RIC1: variants seen among roughly 807,000 people sequenced by gnomAD.
The protein encoded by RIC1 is RIC1 partner of RAB6A GEF complex.
RIC1 carries 88 observed loss-of-function variants against 169.0 expected under a neutral mutation model. The observed-to-expected ratio is 0.52, with a 90% CI of 0.44 to 0.62. The LOEUF (loss-of-function observed/expected upper bound fraction) is 0.62, where lower values mean the gene tolerates loss of function less well. RIC1 is among the 20% of genes least tolerant of loss of function. RIC1 has a pLI of 0.00. For missense variants in RIC1, 1,877 were observed against 1,725.5 expected (o/e 1.09, Z -1.56); for synonymous variants, 790 against 601.5 (o/e 1.31, Z -4.59).
intron 7 of RIC1, among the ~76,000 whole-genome samples, chr9:5,734,949 A>C (rs1304365626): frequency 3.3e-5 from 5 of 152,196 alleles, no homozygotes; most frequent in African/African-American, 1.2e-4. Flanking sequence ...AATTAATGAT[A>C]AATCCCTAAT....
intron 1 of RIC1, among the ~76,000 whole-genome samples, chr9:5,656,176 T>A (rs1022914890): frequency 1.3e-5 from 2 of 152,148 alleles, no homozygotes; most frequent in African/African-American, 4.8e-5. Context: ...GGCCTGTAGT[T>A]TTCTTTTCAT....
At chr9:5,685,767 T>C (rs1266488652) in intron 2 of RIC1, among the ~76,000 whole-genome samples, 2 of 147,402 alleles carry the variant, frequency 1.4e-5, no homozygotes, top group Non-Finnish European at 3.0e-5. Flanking sequence ...AAAGCCAAAA[T>C]TGACAAATGG....
At chr9:5,679,744 A>G (rs1301426567) in intron 2 of RIC1, among the ~76,000 whole-genome samples, 1 of 152,204 alleles carries the variant, frequency 6.6e-6, no homozygotes, top group Admixed American at 6.5e-5. Flanking sequence ...TTTTGGGCTG[A>G]TACGATGGGG....
At chr9:5,659,496 A>G (rs1368979193) in intron 2 of RIC1, among the ~76,000 whole-genome samples, 1 of 152,130 alleles carries the variant, frequency 6.6e-6, no homozygotes, top group East Asian at 1.9e-4. Flanking sequence ...TATAGTTTTG[A>G]CTATTCTGAG....
chr9:5,724,156 G>A (rs1049740531), intron 6 of RIC1, among the ~76,000 whole-genome samples: 1 of 152,148 alleles, frequency 6.6e-6, no homozygotes, highest in African/African-American at 2.4e-5. Context: ...GGGCAGTATG[G>A]CCATTTTCAC....
chr9:5,708,685 C>T (rs560650494), intron 3 of RIC1, among the ~76,000 whole-genome samples: 1 of 152,100 alleles, frequency 6.6e-6, no homozygotes, highest in Non-Finnish European at 1.5e-5. Context: ...AGATTCTCTT[C>T]GTTTTTTTGA....
chr9:5,631,492 C>G (rs1817712682), intron 1 of RIC1, among the ~76,000 whole-genome samples: 1 of 151,990 alleles, frequency 6.6e-6, no homozygotes, highest in Admixed American at 6.6e-5. Context: ...TCGAGACCAT[C>G]CTGGCCAACA....
rs753947992 is a variant in RIC1 at position 5,765,432 on chromosome 9, G to C, written c.2860G>C (p.Val954Leu). The C allele has an allele frequency of 6.2e-7, 1 of 1,613,808 alleles. No individual in the cohort carries two copies. The highest frequency in any genetic ancestry group is 8.5e-7 in the Non-Finnish European group (1 of 1,179,874). ...TTTGTAGAATATGGAAGTCCCTGCAGTAAGTAGGCAACATGCTACCCTTCT... is the reference window on the plus strand; with the variant it reads ...TTTGTAGAATATGGAAGTCCCTGCACTAAGTAGGCAACATGCTACCCTTCT... The part of the protein sequence containing the change: ...IILQNMEVPA[V>L]SRQHATLLFN... Residue 954 changes from valine (V) to leucine (L), a missense_variant, in exon 20 of 26, where the codon GTA becomes CTA. Physicochemically the swap from Val to Leu is conservative, Grantham distance 32. Coordinates refer to ENST00000414202, the MANE Select transcript of RIC1 (RefSeq NM_020829.4).
chr9:5,666,293 C>T lies in RIC1; in HGVS notation c.252+9603C>T, dbSNP rs543941170. On this transcript the variant is annotated intron_variant, in intron 2 of 25. Coordinates refer to ENST00000414202, the MANE Select transcript of RIC1 (RefSeq NM_020829.4). ...TGATTTTTGTGTATTGATTTTATAT[C>T]CTACGACTTTGCTAACTTTATTAGC... Among the ~76,000 whole-genome samples, 14 of 152,078 alleles carry T rather than the reference C, an allele frequency of 9.2e-5. No homozygotes were observed. In the South Asian group the frequency reaches 2.3e-3, roughly 25 times the overall value.
At chr9:5,667,887 G>C (rs1279468544) in intron 2 of RIC1, among the ~76,000 whole-genome samples, 1 of 151,950 alleles carries the variant, frequency 6.6e-6, no homozygotes, top group Non-Finnish European at 1.5e-5. Flanking sequence ...CACATTTTTG[G>C]GTATCTTTAT....
intron 2 of RIC1, among the ~76,000 whole-genome samples, chr9:5,686,499 T>C (rs1471727160): frequency 1.3e-5 from 2 of 151,754 alleles, no homozygotes; most frequent in African/African-American, 4.8e-5. Flanking sequence ...AAATTGGAAA[T>C]CATCATTCTC....
chr9:5,746,208 GTGTT>G, intron 11 of RIC1, 125 bp downstream of exon 11: 2 of 571,566 alleles, frequency 3.5e-6, no homozygotes, highest in Non-Finnish European at 5.5e-6. Context: ...TATGATTCTT[GTGTT>G]TCTTTTTAAT....
At chr9:5,661,390 T>C (rs1237240560) in intron 2 of RIC1, among the ~76,000 whole-genome samples, 1 of 152,204 alleles carries the variant, frequency 6.6e-6, no homozygotes, top group Non-Finnish European at 1.5e-5. Flanking sequence ...GGTAGTTTAA[T>C]GGGGATAGCA....
In RIC1 at chr9:5,656,677, T is replaced by C. The variant is rs758453573; in HGVS notation, c.239T>C (p.Met80Thr). The change falls in exon 2 of 26, where the codon ATG (methionine) becomes ACG (threonine). Residue 80 changes from methionine (M) to threonine (T), a missense_variant. Met to Thr is a moderately conservative substitution (Grantham distance 81, BLOSUM62 -1). Around this residue, in one of 3 missense-constraint regions of RIC1, gnomAD observed 1,104 missense variants for 992.0 expected, o/e 1.11. Transcript: ENST00000414202. ...GCTGAATGGAGGCCAGATAGTACCA[T>C]GATAGCTGTATCAGTAAGTAGATTT... Reference protein sequence around the residue: ...KQAEWRPDSTMIAVSTANGYI... With the variant: ...KQAEWRPDSTTIAVSTANGYI... The C allele has an allele frequency of 1.3e-6, 2 of 1,592,174 alleles. No homozygotes were observed. Among genetic ancestry groups the C allele is most frequent in the South Asian group, 1.1e-5 (1 of 89,408 alleles).
At chr9:5,651,111 C>G (rs1041582270) in intron 1 of RIC1, among the ~76,000 whole-genome samples, 1 of 152,186 alleles carries the variant, frequency 6.6e-6, no homozygotes, top group East Asian at 1.9e-4. Flanking sequence ...CTATGCTAGT[C>G]TCTGGACCCC....
At chr9:5,737,743 T>C (rs1824813291) in intron 7 of RIC1, among the ~76,000 whole-genome samples, 2 of 151,696 alleles carry the variant, frequency 1.3e-5, no homozygotes, top group South Asian at 4.1e-4. Context: ...TACTGTTGAC[T>C]GGAAACCTTA....
At chr9:5,633,771 A>G (rs1456167119) in intron 1 of RIC1, among the ~76,000 whole-genome samples, 2 of 152,172 alleles carry the variant, frequency 1.3e-5, no homozygotes, top group African/African-American at 4.8e-5. Flanking sequence ...AATTTCAAGT[A>G]TACAATATAT....
At chr9:5,637,543 T>C (rs946563240) in intron 1 of RIC1, among the ~76,000 whole-genome samples, 1 of 152,222 alleles carries the variant, frequency 6.6e-6, no homozygotes, top group Non-Finnish European at 1.5e-5. Flanking sequence ...TGCTATCAAA[T>C]ACTAGGTCAT....
At chr9:5,742,320 C>T (rs760259165) in intron 8 of RIC1, among the ~76,000 whole-genome samples, 3 of 152,130 alleles carry the variant, frequency 2.0e-5, no homozygotes, top group Admixed American at 6.6e-5. Context: ...CAGAAAAATT[C>T]AGGGAACAAG....
Sources: gnomAD v4.1 joint callset for allele counts (sites outside exome capture counted in the v4.1 genomes callset) on GRCh38, gnomAD v4.1.1 for gene constraint, gnomAD v4.1.1 regional missense constraint, MANE v1.5 for transcripts, NCBI Gene and HGNC (gene_info 2026-07-23, HGNC 2026-07-21) for gene names.